The following JMJD1C variants were observed in gnomAD, a reference collection of about 807,000 sequenced individuals.
JMJD1C encodes jumonji domain-containing protein 1C.
A neutral mutation model predicts 245.3 loss-of-function variants in JMJD1C; 31 were observed. The observed-to-expected ratio is 0.13, with a 90% CI of 0.09 to 0.17. The LOEUF (loss-of-function observed/expected upper bound fraction) is 0.17, where lower values mean the gene tolerates loss of function less well. Ranked by LOEUF, JMJD1C falls within the 10% of genes least tolerant of loss-of-function variation. The pLI is 1.00. For synonymous variants in JMJD1C, 1,057 were observed against 1,017.4 expected, an observed-to-expected ratio of 1.04 and a Z score of -0.74; for missense variants, 2,691 against 3,000.2, an observed-to-expected ratio of 0.90 and a Z score of 2.41.
chr10:63,386,218 T>C (rs1383987460), intron 1 of JMJD1C, among the ~76,000 whole-genome samples: 2 of 152,276 alleles, frequency 1.3e-5, no homozygotes, highest in Middle Eastern at 3.4e-3. Context: ...CATTTTCATA[T>C]GCCCTAAATA....
chr10:63,181,565 T>G (rs949030898), intron 22 of JMJD1C, among the ~76,000 whole-genome samples: 1 of 152,234 alleles, frequency 6.6e-6, no homozygotes, highest in Non-Finnish European at 1.5e-5. Flanking sequence ...AAAATGTTGC[T>G]TTGTGACCAC....
chr10:63,276,884 C>CTTTTTTTTTTTTTT lies in JMJD1C; in HGVS notation c.334-12134_334-12121dup, dbSNP rs760452367. On this transcript the variant is annotated intron_variant, in intron 2 of 25. Transcript: ENST00000399262. ...CTATGGAAGGAATAGAAGCTTGGGG[C>CTTTTTTTTTTTTTT]TTTTTTTTTTTTTTTTTTGAGAGAG... Among the ~76,000 whole-genome samples, 19 of 96,280 alleles carry CTTTTTTTTTTTTTT rather than the reference C, an allele frequency of 2.0e-4. 3 individuals carry two copies. Among genetic ancestry groups the CTTTTTTTTTTTTTT allele is most frequent in the African/African-American group, 3.4e-4 (8 of 23,358 alleles). 63.2% of individuals were successfully genotyped at this position (96,280 alleles called of 152,430 possible). A position where few individuals can be genotyped will look rare whatever the true frequency, so the allele number is the denominator to read the frequency against.
intron 1 of JMJD1C, among the ~76,000 whole-genome samples, chr10:63,500,206 G>A (rs1446737735): frequency 6.6e-6 from 1 of 152,184 alleles, no homozygotes; most frequent in East Asian, 1.9e-4. Context: ...AGAACTGCTT[G>A]AGCCCAGAAG....
intron 1 of JMJD1C, among the ~76,000 whole-genome samples, chr10:63,512,815 T>G (rs1460356733): frequency 6.6e-6 from 1 of 152,188 alleles, no homozygotes; most frequent in African/African-American, 2.4e-5. Context: ...TGGTATTTCC[T>G]TATGTATATT....
chr10:63,379,699 A>C (rs1382708774), intron 2 of JMJD1C, among the ~76,000 whole-genome samples: 1 of 152,194 alleles, frequency 6.6e-6, no homozygotes, highest in African/African-American at 2.4e-5. Flanking sequence ...GCATACAGTC[A>C]ACTATCTCTC....
intron 19 of JMJD1C, 125 bp downstream of exon 19, chr10:63,186,090 T>C: frequency 4.0e-6 from 3 of 749,478 alleles, no homozygotes; most frequent in African/African-American, 1.8e-5. Context: ...TCCAATTACT[T>C]GTTTCTTTTT....
intron 3 of JMJD1C, among the ~76,000 whole-genome samples, chr10:63,233,093 C>G (rs562348947): frequency 1.3e-5 from 2 of 152,238 alleles, no homozygotes; most frequent in East Asian, 3.9e-4. Context: ...AAAAGTGACT[C>G]TGACCTGAAG....
intron 3 of JMJD1C, chr10:63,222,567 T>A: frequency 1.3e-6 from 2 of 1,588,254 alleles, no homozygotes; most frequent in Non-Finnish European, 1.7e-6. Context: ...CAGTTTGAAC[T>A]GTCAGAACAA....
chr10:63,238,187 A>AAAAAAAT (rs1367491526), intron 3 of JMJD1C, among the ~76,000 whole-genome samples: 1 of 112,402 alleles, frequency 8.9e-6, no homozygotes, highest in African/African-American at 2.7e-5. Flanking sequence ...TCTCAAAAAA[A>AAAAAAAT]AAAAAAAAGA....
intron 1 of JMJD1C, among the ~76,000 whole-genome samples, chr10:63,447,424 T>A: frequency 6.6e-6 from 1 of 152,244 alleles, no homozygotes; most frequent in East Asian, 1.9e-4. Context: ...AAAATGTTAA[T>A]GCATTTAGAT....
intron 1 of JMJD1C, among the ~76,000 whole-genome samples, chr10:63,412,266 T>C (rs1202211621): frequency 6.6e-6 from 1 of 152,060 alleles, no homozygotes; most frequent in Non-Finnish European, 1.5e-5. Context: ...ATGTCTATTA[T>C]ATACTGTATT....
In JMJD1C at chr10:63,333,237, A is replaced by C. The variant is rs142280763; in HGVS notation, c.333+47081T>G. ...AATACAGCTTCTTAAGAAAAACAAT[A>C]TCCATTCTCCTATTTCTTGCGTATG... On this transcript the variant is annotated intron_variant, in intron 2 of 25. Coordinates refer to ENST00000399262, the MANE Select transcript of JMJD1C (RefSeq NM_032776.3). Among the ~76,000 whole-genome samples the C allele has an allele frequency of 2.6e-3, 393 of 152,324 alleles. 3 individuals are homozygous for C. In the South Asian group the frequency reaches 0.029, roughly 11 times the overall value.
intron 2 of JMJD1C, among the ~76,000 whole-genome samples, chr10:63,367,193 G>C (rs1327581925): frequency 6.6e-6 from 1 of 152,138 alleles, no homozygotes; most frequent in African/African-American, 2.4e-5. Flanking sequence ...TTCCATTAAA[G>C]AGCCCTAAAC....
At chr10:63,518,645 C>T (rs1955102314) in intron 1 of JMJD1C, among the ~76,000 whole-genome samples, 1 of 152,174 alleles carries the variant, frequency 6.6e-6, no homozygotes, top group South Asian at 2.1e-4. Flanking sequence ...AATCATGATG[C>T]AAGATGGAGG....
intron 1 of JMJD1C, among the ~76,000 whole-genome samples, chr10:63,383,286 A>T (rs1368363395): frequency 6.6e-6 from 1 of 152,088 alleles, no homozygotes; most frequent in Non-Finnish European, 1.5e-5. Context: ...TATCTATTAG[A>T]ATGAGGAAAG....
intron 1 of JMJD1C, among the ~76,000 whole-genome samples, chr10:63,420,988 C>G (rs1210667241): frequency 2.5e-4 from 38 of 151,964 alleles, no homozygotes; most frequent in Admixed American, 2.5e-3. Context: ...AAAATCCCAA[C>G]AAGACAAAAA....
intron 1 of JMJD1C, among the ~76,000 whole-genome samples, chr10:63,476,827 G>C (rs577221368): frequency 6.0e-4 from 92 of 152,300 alleles, no homozygotes; most frequent in African/African-American, 2.1e-3. Flanking sequence ...CACTTTGGGA[G>C]GGTGAGGCAA....
intron 2 of JMJD1C, among the ~76,000 whole-genome samples, chr10:63,338,742 G>C (rs982376150): frequency 2.4e-4 from 34 of 141,504 alleles, no homozygotes; most frequent in African/African-American, 8.3e-4. Context: ...TCTGCCTCCT[G>C]GGTTCAAGCG....
intron 22 of JMJD1C, among the ~76,000 whole-genome samples, chr10:63,178,657 G>C (rs1843091067): frequency 6.6e-6 from 1 of 152,210 alleles, no homozygotes. Flanking sequence ...TCTCATATTT[G>C]ATAATGGTTA....
Sources: allele counts gnomAD v4.1 joint callset (sites outside exome capture counted in the v4.1 genomes callset), GRCh38; gene constraint gnomAD v4.1.1; transcripts MANE v1.5; gene names NCBI Gene and HGNC (gene_info 2026-07-23, HGNC 2026-07-21).